Variants in NME1 observed in about 807,000 individuals in gnomAD.
NME1 encodes the protein NME/NM23 nucleoside diphosphate kinase 1.
NME1 carries 9 observed loss-of-function variants against 17.2 expected under a neutral mutation model. The ratio of observed to expected loss-of-function variants is 0.52; its 90% confidence interval spans 0.32 to 0.92. NME1 has a LOEUF of 0.92. NME1 is among the 40% of genes least tolerant of loss of function. NME1 has a pLI of 0.04. For synonymous variants in NME1, 72 were observed against 70.8 expected (o/e 1.02, Z -0.09); for missense variants, 169 against 201.7 (o/e 0.84, Z 0.98).
chr17:51,160,009 C>T lies in NME1; in HGVS notation c.156C>T (p.Tyr52=), dbSNP rs1346395140. Residue 52 remains tyrosine, a synonymous_variant, in exon 3 of 5, where the codon TAC becomes TAT. Transcript: ENST00000393196. ...CCGAAGATCTTCTCAAGGAACACTA[C>T]GTTGACCTGAAGGACCGTCCATTCT... ...QASEDLLKEH[Y]VDLKDRPFFA... 1.1e-5 allele frequency: 18 copies of T among 1,614,044 alleles called. 1 individual carries two copies. Among genetic ancestry groups the T allele is most frequent in the South Asian group, 9.9e-5 (9 of 91,084 alleles).
chr17:51,154,226 C>T, intron 1 of NME1: 1 of 735,428 alleles, frequency 1.4e-6, no homozygotes, highest in South Asian at 1.4e-5. Context: ...GACTGCTAGG[C>T]CCTGTGGCTA....
chr17:51,161,326 G>A (rs1319988171), intron 4 of NME1, 54 bp downstream of exon 4: 1 of 1,523,340 alleles, frequency 6.6e-7, no homozygotes, highest in Admixed American at 1.9e-5. Flanking sequence ...GTTGCCACAA[G>A]GATTTGGGTT....
chr17:51,157,653 C>T (rs902625007), intron 2 of NME1, among the ~76,000 whole-genome samples: 18 of 152,122 alleles, frequency 1.2e-4, no homozygotes, highest in African/African-American at 3.6e-4. Flanking sequence ...GTCTTCATGC[C>T]AGCCTTGAGA....
rs1222445939 is a variant in NME1 at position 51,161,818 on chromosome 17, C to T, written c.432C>T (p.Ser144=). ...CTGAGGAACTGGTAGATTACACGAGCTGTGCTCAGAACTGGATCTATGAAT... is the reference window on the plus strand; with the variant it reads ...CTGAGGAACTGGTAGATTACACGAGTTGTGCTCAGAACTGGATCTATGAAT... ...FHPEELVDYT[S]CAQNWIYE The change falls in exon 5 of 5, where the codon AGC becomes AGT. Residue 144 remains serine, a synonymous_variant. Coordinates refer to ENST00000393196, the MANE Select transcript of NME1 (RefSeq NM_000269.3). 2.5e-6 allele frequency: 4 copies of T among 1,613,134 alleles called. No homozygotes were observed. Among genetic ancestry groups the T allele is most frequent in the Non-Finnish European group, 3.4e-6 (4 of 1,179,244 alleles).
intron 2 of NME1, among the ~76,000 whole-genome samples, chr17:51,157,127 A>G (rs949711431): frequency 5.9e-5 from 9 of 151,912 alleles, no homozygotes; most frequent in Admixed American, 4.6e-4. Flanking sequence ...TTTACTTCCT[A>G]TGTGATATTT....
intron 1 of NME1, chr17:51,154,131 C>A: frequency 1.9e-6 from 1 of 516,926 alleles, no homozygotes; most frequent in Non-Finnish European, 3.5e-6. Flanking sequence ...GTGCGATTCT[C>A]CGCAGTCTTT....
In NME1 at chr17:51,161,175, A is replaced by T. The variant is rs777557808; in HGVS notation, c.244A>T (p.Asn82Tyr). ...GTCCTTGGAGGTCTGGGAGGGGCTG[A>T]ATGTGGTGAAGACGGGCCGAGTCAT... ...PVVAMVWEGL[N>Y]VVKTGRVMLG... The change falls in exon 4 of 5, where the codon AAT becomes TAT. Residue 82 changes from asparagine to tyrosine, a missense_variant. By Grantham distance (143) the Asn-to-Tyr change is moderately radical. Coordinates refer to ENST00000393196, the MANE Select transcript of NME1 (RefSeq NM_000269.3). 2 of 1,611,432 alleles carry T rather than the reference A, an allele frequency of 1.2e-6. No homozygotes were observed. Among genetic ancestry groups the T allele is most frequent in the Non-Finnish European group, 1.7e-6 (2 of 1,178,994 alleles).
intron 2 of NME1, 59 bp from the exon 3 acceptor site, chr17:51,159,920 AT>A: frequency 1.3e-6 from 2 of 1,599,572 alleles, no homozygotes; most frequent in Middle Eastern, 1.7e-4. Flanking sequence ...GGGAAATTAA[AT>A]GGATTATATG....
At chr17:51,154,159 CTT>C (rs1191043162) in intron 1 of NME1, 1,525 of 451,314 alleles carry the variant, frequency 3.4e-3, no homozygotes, top group South Asian at 5.1e-3. Flanking sequence ...GTCTCTCTCT[CTT>C]TTTTTTTTTT....
chr17:51,161,954 G>A lies in NME1; in HGVS notation c.*109G>A, dbSNP rs2049870474. On this transcript the variant is annotated 3_prime_UTR_variant, in exon 5 of 5. Coordinates refer to ENST00000393196, the MANE Select transcript of NME1 (RefSeq NM_000269.3). ...TTTACAGGAACTTCATCATAATTTG[G>A]AGGGAAGCTCTTGGAGCTGTGAGTT... The A allele has an allele frequency of 1.3e-6, 1 of 793,056 alleles. No homozygotes were observed. Among genetic ancestry groups the A allele is most frequent in the South Asian group, 1.4e-5 (1 of 70,470 alleles). 49.1% of individuals were successfully genotyped at this position (793,056 alleles called of 1,614,324 possible).
At chr17:51,159,789 T>C (rs746347584) in intron 2 of NME1, among the ~76,000 whole-genome samples, 191 bp from the exon 3 acceptor site, 11 of 152,124 alleles carry the variant, frequency 7.2e-5, no homozygotes, top group South Asian at 4.1e-4. Context: ...AGACAACTGA[T>C]ATAAAATTGG....
At chr17:51,161,597 C>A in intron 4 of NME1, 131 bp from the exon 5 acceptor site, 1 of 826,840 alleles carries the variant, frequency 1.2e-6, no homozygotes, top group South Asian at 1.4e-5. Flanking sequence ...CCATTGTAGG[C>A]TTTTTCTTTT....
rs755204533 is a variant in NME1, at chr17:51,155,797, G to T, written c.126+17G>T. The T allele has an allele frequency of 4.3e-6, 7 of 1,612,906 alleles. No homozygotes were observed. The South Asian group carries it at 7.7e-5, about 18-fold the overall frequency. ...TTCATGCAAGTAAGTGGACTTCATT[G>T]TTCCCATTTTGATTCCTTCATAGTA... On this transcript the variant is annotated intron_variant, in intron 2 of 4. Coordinates refer to ENST00000393196, the MANE Select transcript of NME1 (RefSeq NM_000269.3).
intron 3 of NME1, 96 bp downstream of exon 3, chr17:51,160,177 C>A: frequency 7.8e-7 from 1 of 1,288,544 alleles, no homozygotes; most frequent in Non-Finnish European, 1.1e-6. Context: ...TGAATGAGAC[C>A]AAATAGATAC....
intron 4 of NME1, 104 bp downstream of exon 4, chr17:51,161,376 A>C: frequency 1.8e-6 from 2 of 1,121,360 alleles, no homozygotes; most frequent in Non-Finnish European, 2.6e-6. Flanking sequence ...ATGCAGGTTG[A>C]TTTTATCGGA....
chr17:51,154,574 T>A, intron 1 of NME1: 1 of 750,254 alleles, frequency 1.3e-6, no homozygotes, highest in Non-Finnish European at 2.3e-6. Context: ...ACCCCACCGT[T>A]TATTGGCTAG....
chr17:51,157,298 G>C (rs996680572), intron 2 of NME1, among the ~76,000 whole-genome samples: 1 of 152,162 alleles, frequency 6.6e-6, no homozygotes, highest in Non-Finnish European at 1.5e-5. Flanking sequence ...TGGTGTCCAA[G>C]GTCAAGGAGC....
chr17:51,155,432 T>C (rs1480853254), intron 1 of NME1, among the ~76,000 whole-genome samples: 2 of 152,054 alleles, frequency 1.3e-5, no homozygotes, highest in Non-Finnish European at 2.9e-5. Context: ...ATAAATCAAA[T>C]GGGATAGAAA....
intron 1 of NME1, chr17:51,154,561 CACACCCCA>C: frequency 1.2e-6 from 1 of 833,434 alleles, no homozygotes; most frequent in East Asian, 2.5e-5. Context: ...GTAGTTCTCC[CACACCCCA>C]CCGTTTATTG....
Sources: gnomAD v4.1 joint callset for allele counts (sites outside exome capture counted in the v4.1 genomes callset) on GRCh38, gnomAD v4.1.1 for gene constraint, MANE v1.5 for transcripts, NCBI Gene and HGNC (gene_info 2026-07-23, HGNC 2026-07-21) for gene names.